FOCAD: variants seen among roughly 807,000 people sequenced by gnomAD.
The protein encoded by FOCAD is focadhesin, also known as KIAA1797.
Under a neutral mutation model 225.6 loss-of-function variants are expected in FOCAD, and 198 were observed. That is an observed-to-expected ratio of 0.88 (90% CI 0.78 to 0.99). The LOEUF (loss-of-function observed/expected upper bound fraction) is 0.99, where lower values mean the gene tolerates loss of function less well. Among genes scored for constraint, FOCAD ranks in the 50% least tolerant of loss-of-function variants. FOCAD has a pLI of 0.00. For synonymous variants in FOCAD, 897 were observed against 755.0 expected, an observed-to-expected ratio of 1.19 and a Z score of -3.08; for missense variants, 2,713 against 2,123.6, an observed-to-expected ratio of 1.28 and a Z score of -5.46.
At chr9:20,705,203 G>T (rs2131432585) in intron 1 of FOCAD, among the ~76,000 whole-genome samples, 1 of 152,204 alleles carries the variant, frequency 6.6e-6, no homozygotes, top group South Asian at 2.1e-4. Context: ...CTTTTATTAT[G>T]GAGAATTTCA....
At chr9:20,669,365 G>A (rs1821989055) in intron 2 of FOCAD, among the ~76,000 whole-genome samples, 1 of 152,172 alleles carries the variant, frequency 6.6e-6, no homozygotes, top group Non-Finnish European at 1.5e-5. Context: ...CCAGAAGCCT[G>A]AGAAGCACTT....
chr9:20,761,571 C>T (rs1829602773), intron 6 of FOCAD, among the ~76,000 whole-genome samples: 1 of 152,134 alleles, frequency 6.6e-6, no homozygotes, highest in South Asian at 2.1e-4. Flanking sequence ...CAGGTGCCCG[C>T]CACCATGCCT....
intron 11 of FOCAD, among the ~76,000 whole-genome samples, chr9:20,808,831 A>C (rs1476653052): frequency 6.6e-6 from 1 of 152,228 alleles, no homozygotes; most frequent in Non-Finnish European, 1.5e-5. Flanking sequence ...TCCTTTGGAC[A>C]TTTAACATCC....
Position 20,803,011 on chromosome 9 carries a change from T to G in FOCAD, c.1455+13403T>G, listed in dbSNP as rs528639749. On this transcript the variant is annotated intron_variant, in intron 11 of 43. Transcript: ENST00000338382. The stretch of plus-strand genomic sequence containing the variant: ...ATTCCGTATTGCCTCCTTTCATTAT[T>G]TCCAGTAGTGTGAATTATTATTAAT... Among the ~76,000 whole-genome samples, 6 of 152,304 alleles carry G rather than the reference T, an allele frequency of 3.9e-5. No individual in the cohort carries two copies. In the South Asian group the frequency reaches 1.2e-3, roughly 32 times the overall value.
At position 20,781,933 on chromosome 9, in the gene FOCAD, A is replaced by C; in HGVS notation, c.1197+4A>C. 1 of 1,612,718 alleles carries C rather than the reference A, an allele frequency of 6.2e-7. No individual in the cohort carries two copies. Among genetic ancestry groups the C allele is most frequent in the Non-Finnish European group, 8.5e-7 (1 of 1,178,866 alleles). The stretch of plus-strand genomic sequence containing the variant: ...TTACAGAGATGACCACCAAAAGGTA[A>C]TGAATCTATCCTTGTTTCTCTTAAA... On this transcript the variant is annotated splice_donor_region_variant and intron_variant, in intron 10 of 43. Transcript: ENST00000338382.
rs1356605515 is a variant in FOCAD, at chr9:20,803,173, A to G, written c.1455+13565A>G. On this transcript the variant is annotated intron_variant, in intron 11 of 43. Coordinates refer to ENST00000338382, the MANE Select transcript of FOCAD (RefSeq NM_001375567.1). ...TATCATTCAGCTTGAAATACTATAG[A>G]TGCCTTGTTTTTAGGAAATGAGAGG... Among the ~76,000 whole-genome samples the G allele has an allele frequency of 1.3e-5, 2 of 152,094 alleles. 1 individual carries two copies. The highest frequency in any genetic ancestry group is 3.9e-4 in the East Asian group (2 of 5,146).
At chr9:20,719,087 T>A (rs546675800) in intron 3 of FOCAD, among the ~76,000 whole-genome samples, 1 of 152,310 alleles carries the variant, frequency 6.6e-6, no homozygotes, top group South Asian at 2.1e-4. Flanking sequence ...TGATTTTCTT[T>A]TCTTTTTTTT....
At chr9:20,994,079 A>G (rs1841883716) in intron 43 of FOCAD, among the ~76,000 whole-genome samples, 1 of 152,226 alleles carries the variant, frequency 6.6e-6, no homozygotes, top group African/African-American at 2.4e-5. Context: ...TTTTAATTTT[A>G]ACATTCTTTT....
rs535304808 is a variant in FOCAD at position 20,728,948 on chromosome 9, C to T, written c.287+8414C>T. ...TTTTGTTCTTCTTTCTTCCTGCAGA[C>T]TTTCTCTGCCTCCTAGTTCACAGGG... On this transcript the variant is annotated intron_variant, in intron 4 of 43. Coordinates refer to ENST00000338382, the MANE Select transcript of FOCAD (RefSeq NM_001375567.1). Among the ~76,000 whole-genome samples the T allele has an allele frequency of 7.2e-5, 11 of 152,282 alleles. No homozygotes were observed. In the South Asian group the frequency reaches 2.3e-3, roughly 32 times the overall value.
chr9:20,874,536 A>G, intron 18 of FOCAD, 145 bp from the exon 19 acceptor site: 1 of 744,040 alleles, frequency 1.3e-6, no homozygotes, highest in Non-Finnish European at 2.1e-6. Context: ...AGATTTTTAA[A>G]AAATTAATTT....
At chr9:20,812,354 T>C (rs1450365290) in intron 11 of FOCAD, among the ~76,000 whole-genome samples, 1 of 108,434 alleles carries the variant, frequency 9.2e-6, no homozygotes, top group Non-Finnish European at 2.4e-5. Flanking sequence ...TTGTCTCATC[T>C]TCTAACCATG....
At chr9:20,789,655 A>T (rs779405815) in intron 11 of FOCAD, 47 bp downstream of exon 11, 5 of 1,597,410 alleles carry the variant, frequency 3.1e-6, no homozygotes, top group Non-Finnish European at 3.4e-6. Context: ...AAGCTTAATC[A>T]TTGGAAATGT....
intron 1 of FOCAD, among the ~76,000 whole-genome samples, chr9:20,713,553 T>C (rs1825048442): frequency 6.6e-6 from 1 of 152,168 alleles, no homozygotes; most frequent in Non-Finnish European, 1.5e-5. Flanking sequence ...TTCTAACATA[T>C]TTTATGTATT....
intron 43 of FOCAD, 122 bp downstream of exon 43, chr9:20,993,450 G>C: frequency 1.2e-6 from 1 of 802,696 alleles, no homozygotes; most frequent in Non-Finnish European, 2.0e-6. Flanking sequence ...TGGGACCAGA[G>C]GTGTTTTGGA....
intron 11 of FOCAD, among the ~76,000 whole-genome samples, chr9:20,814,153 T>A (rs62560461): frequency 6.6e-6 from 1 of 151,970 alleles, no homozygotes; most frequent in Non-Finnish European, 1.5e-5. Context: ...CCACTGTATG[T>A]CTTTGATTGA....
chr9:20,912,872 C>G lies in FOCAD; in HGVS notation c.2725C>G (p.Leu909Val). The G allele has an allele frequency of 6.2e-7, 1 of 1,612,918 alleles. No individual in the cohort carries two copies. Among genetic ancestry groups the G allele is most frequent in the Non-Finnish European group, 8.5e-7 (1 of 1,179,298 alleles). Reference protein sequence around the residue: ...RAYHAILQGRLGELELQLKHG... With the variant: ...RAYHAILQGRVGELELQLKHG... ...TATGCTGTGATTTTTGCAGGGAAGACTAGGAGAGCTGGAGTTGCAGTTAAA... is the reference window on the plus strand; with the variant it reads ...TATGCTGTGATTTTTGCAGGGAAGAGTAGGAGAGCTGGAGTTGCAGTTAAA... The change falls in exon 23 of 44, where the codon CTA becomes GTA. Residue 909 changes from leucine (L) to valine (V), a missense_variant. By Grantham distance (32) the Leu-to-Val change is conservative (BLOSUM62 1). Coordinates refer to ENST00000338382, the MANE Select transcript of FOCAD (RefSeq NM_001375567.1).
chr9:20,793,978 G>C (rs1416710759), intron 11 of FOCAD, among the ~76,000 whole-genome samples: 1 of 152,190 alleles, frequency 6.6e-6, no homozygotes, highest in East Asian at 1.9e-4. Context: ...GGAGCAGTAA[G>C]TTGACATGTC....
At chr9:20,963,421 C>T (rs1838949474) in intron 35 of FOCAD, among the ~76,000 whole-genome samples, 1 of 152,200 alleles carries the variant, frequency 6.6e-6, no homozygotes, top group Admixed American at 6.5e-5. Flanking sequence ...TATTAGAAGG[C>T]AGGCTGGACG....
At chr9:20,987,005 T>C (rs1449546092) in intron 40 of FOCAD, among the ~76,000 whole-genome samples, 1 of 152,178 alleles carries the variant, frequency 6.6e-6, no homozygotes, top group Non-Finnish European at 1.5e-5. Context: ...TAATAATTAC[T>C]GAATAAGAGC....
Sources: allele counts gnomAD v4.1 joint callset (sites outside exome capture counted in the v4.1 genomes callset), GRCh38; gene constraint gnomAD v4.1.1; transcripts MANE v1.5; gene names NCBI Gene and HGNC (gene_info 2026-07-23, HGNC 2026-07-21).